SLC39A11: variants seen among roughly 807,000 people sequenced by gnomAD.
SLC39A11 encodes the protein zinc transporter ZIP11.
In SLC39A11, 33 loss-of-function variants were observed where a neutral mutation model predicts 36.1. The observed-to-expected ratio is 0.91, with a 90% confidence interval of 0.69 to 1.22. The LOEUF (loss-of-function observed/expected upper bound fraction) is 1.22, where lower values mean the gene tolerates loss of function less well. Among genes scored for constraint, SLC39A11 ranks in the 50% most tolerant of loss-of-function variants. The pLI is 0.00. For missense variants in SLC39A11, 432 were observed against 430.3 expected (o/e 1.00, Z -0.03); for synonymous variants, 166 against 170.3 (o/e 0.97, Z 0.20).
intron 6 of SLC39A11, among the ~76,000 whole-genome samples, chr17:72,822,398 A>G (rs910858108): frequency 3.3e-5 from 5 of 150,132 alleles, no homozygotes. Context: ...CAATCTGTTA[A>G]TTTGACTCAT....
At position 73,075,719 on chromosome 17, in the gene SLC39A11, G is replaced by T. The variant is rs564741956; in HGVS notation, c.147+9089C>A. 1.4e-4 allele frequency among the ~76,000 whole-genome samples: 21 copies of T among 152,264 alleles called. 1 individual carries two copies. Among genetic ancestry groups the T allele is most frequent in the Non-Finnish European group, 4.4e-5 (3 of 68,028 alleles). ...AATACAAACATTAGCTAGGCGTGGT[G>T]GTGGGTGCCTGTAATCACAGCTACT... is the stretch of plus-strand genomic sequence containing the variant. On this transcript the variant is annotated intron_variant, in intron 3 of 9. Transcript: ENST00000255559.
chr17:72,997,218 G>A (rs112462558), intron 4 of SLC39A11, among the ~76,000 whole-genome samples: 3,441 of 152,142 alleles, frequency 0.023, 61 homozygotes, highest in Non-Finnish European at 0.036. Flanking sequence ...AACAATGAAC[G>A]AGCCGGCCTG....
At chr17:72,750,060 G>A (rs2075094397) in intron 6 of SLC39A11, among the ~76,000 whole-genome samples, 2 of 152,156 alleles carry the variant, frequency 1.3e-5, no homozygotes, top group Admixed American at 1.3e-4. Context: ...GATTCCTGGG[G>A]CAAGGCACAA....
chr17:72,928,737 A>C (rs941158786), intron 5 of SLC39A11, among the ~76,000 whole-genome samples: 3 of 152,222 alleles, frequency 2.0e-5, no homozygotes, highest in Non-Finnish European at 4.4e-5. Context: ...AGCAAGATTG[A>C]AAAGGCTTCT....
chr17:72,714,950 G>A (rs1248720029), intron 7 of SLC39A11, among the ~76,000 whole-genome samples: 4 of 152,212 alleles, frequency 2.6e-5, no homozygotes, highest in East Asian at 3.9e-4. Flanking sequence ...ATCTTTACAC[G>A]TACATATTCA....
At chr17:72,676,954 G>T (rs1025296255) in intron 7 of SLC39A11, among the ~76,000 whole-genome samples, 1 of 152,182 alleles carries the variant, frequency 6.6e-6, no homozygotes, top group Non-Finnish European at 1.5e-5. Context: ...TTGTGCTGGT[G>T]GTTTCCGGAC....
chr17:72,648,186 T>C (rs983413467), intron 9 of SLC39A11, among the ~76,000 whole-genome samples: 1 of 151,546 alleles, frequency 6.6e-6, no homozygotes, highest in African/African-American at 2.4e-5. Context: ...AAAAATTAGC[T>C]GGGCGTAGTG....
chr17:72,970,079 A>T (rs918004051), intron 4 of SLC39A11, among the ~76,000 whole-genome samples: 3 of 152,220 alleles, frequency 2.0e-5, no homozygotes, highest in Admixed American at 2.0e-4. Context: ...AAAAAATGTT[A>T]ATAGTCCCCA....
At chr17:72,858,215 C>G (rs1471072713) in intron 5 of SLC39A11, among the ~76,000 whole-genome samples, 1 of 152,170 alleles carries the variant, frequency 6.6e-6, no homozygotes, top group Admixed American at 6.5e-5. Flanking sequence ...TATCTAAGCA[C>G]TACTTATTGA....
At chr17:72,814,434 A>G (rs2077522503) in intron 6 of SLC39A11, among the ~76,000 whole-genome samples, 1 of 152,204 alleles carries the variant, frequency 6.6e-6, no homozygotes, top group African/African-American at 2.4e-5. Flanking sequence ...GAGTTCCTCT[A>G]TACTCAGGCC....
chr17:72,852,975 G>C (rs920208929), intron 5 of SLC39A11, among the ~76,000 whole-genome samples: 6 of 151,678 alleles, frequency 4.0e-5, no homozygotes, highest in African/African-American at 1.5e-4. Context: ...AGTTGATAGG[G>C]GCCAAAAGAA....
At chr17:73,061,478 A>G (rs2059837757) in intron 3 of SLC39A11, among the ~76,000 whole-genome samples, 1 of 152,204 alleles carries the variant, frequency 6.6e-6, no homozygotes, top group African/African-American at 2.4e-5. Flanking sequence ...ATGCTAAGTC[A>G]GTTGATTGTG....
intron 6 of SLC39A11, among the ~76,000 whole-genome samples, chr17:72,782,687 CAAAAAAAAAAA>C (rs72447211): frequency 6.9e-3 from 430 of 62,486 alleles, no homozygotes; most frequent in Middle Eastern, 0.017. Context: ...GACCCCATCT[CAAAAAAAAAAA>C]AAAAAAAAAA....
intron 7 of SLC39A11, among the ~76,000 whole-genome samples, chr17:72,723,924 G>A (rs1598454228): frequency 1.3e-5 from 2 of 152,146 alleles, no homozygotes; most frequent in South Asian, 2.1e-4. Flanking sequence ...TCCAGGTAAC[G>A]ACGGGATTGT....
At chr17:72,950,063 T>C (rs183338190) in intron 4 of SLC39A11, among the ~76,000 whole-genome samples, 3 of 152,214 alleles carry the variant, frequency 2.0e-5, no homozygotes, top group Admixed American at 2.0e-4. Context: ...TTCAGATCTT[T>C]TATTTCATTA....
intron 7 of SLC39A11, among the ~76,000 whole-genome samples, chr17:72,661,112 G>T (rs1021139406): frequency 1.8e-4 from 27 of 152,160 alleles, no homozygotes; most frequent in Non-Finnish European, 3.7e-4. Flanking sequence ...GACAGATTTG[G>T]GGCTGAGCAA....
chr17:73,085,177 C>T (rs774153506), intron 2 of SLC39A11, among the ~76,000 whole-genome samples: 4 of 152,010 alleles, frequency 2.6e-5, no homozygotes, highest in Admixed American at 1.3e-4. Flanking sequence ...AATTACTGAG[C>T]GTTGGTGAGG....
At chr17:72,907,664 G>T (rs1459140597) in intron 5 of SLC39A11, among the ~76,000 whole-genome samples, 1 of 152,134 alleles carries the variant, frequency 6.6e-6, no homozygotes, top group Non-Finnish European at 1.5e-5. Flanking sequence ...AACAAACAGA[G>T]TCAACTGCTC....
At chr17:73,026,239 A>AT (rs1208826358) in intron 4 of SLC39A11, among the ~76,000 whole-genome samples, 1 of 20,384 alleles carries the variant, frequency 4.9e-5, no homozygotes, top group Admixed American at 4.3e-4. Context: ...GAGAAAAGGG[A>AT]AAAGCCGGCT....
Sources: allele counts gnomAD v4.1 joint callset (sites outside exome capture counted in the v4.1 genomes callset), GRCh38; gene constraint gnomAD v4.1.1; transcripts MANE v1.5; gene names NCBI Gene and HGNC (gene_info 2026-07-23, HGNC 2026-07-21).